OTUD7A: variants seen among roughly 807,000 people sequenced by gnomAD.
The protein encoded by OTUD7A is OTU domain-containing protein 7A.
Under a neutral mutation model 65.7 loss-of-function variants are expected in OTUD7A, and 12 were observed. The ratio of observed to expected loss-of-function variants is 0.18; its 90% CI spans 0.12 to 0.30. The LOEUF is 0.30. Ranked by LOEUF, OTUD7A falls within the 10% of genes least tolerant of loss-of-function variation. OTUD7A has a pLI of 1.00. For synonymous variants in OTUD7A, 641 were observed against 586.3 expected, an observed-to-expected ratio of 1.09 and a Z score of -1.35; for missense variants, 1,148 against 1,304.8, an observed-to-expected ratio of 0.88 and a Z score of 1.85.
chr15:31,703,704 G>T lies in OTUD7A; in HGVS notation c.-99-46627C>A, dbSNP rs933249451. Among the ~76,000 whole-genome samples, 19 of 151,526 alleles carry T rather than the reference G, an allele frequency of 1.3e-4. 2 individuals are homozygous for T. Among genetic ancestry groups the T allele is most frequent in the Admixed American group, 9.9e-4 (15 of 15,180 alleles). On this transcript the variant is annotated intron_variant, in intron 1 of 12. Transcript: ENST00000307050. ...AAACTACCATGCAACCCAGCAACTG[G>T]ATTCCTGAGCACTTATCCTAGAGAA... is the stretch of plus-strand genomic sequence containing the variant.
intron 5 of OTUD7A, among the ~76,000 whole-genome samples, chr15:31,535,708 G>T (rs537328090): frequency 8.3e-5 from 11 of 132,038 alleles, no homozygotes; most frequent in African/African-American, 2.9e-4. Context: ...ACAGAGTCTC[G>T]CTCTGTCACC....
chr15:31,573,931 A>G (rs2141176033), intron 3 of OTUD7A, among the ~76,000 whole-genome samples: 1 of 152,272 alleles, frequency 6.6e-6, no homozygotes, highest in Admixed American at 6.5e-5. Flanking sequence ...AAACAAAACT[A>G]CAGTTGACAG....
intron 1 of OTUD7A, among the ~76,000 whole-genome samples, chr15:31,663,449 G>A (rs1173999294): frequency 3.3e-4 from 9 of 27,432 alleles, no homozygotes; most frequent in Admixed American, 2.3e-3. Flanking sequence ...CCCACCCCCC[G>A]ACAGGCCCCA....
intron 8 of OTUD7A, among the ~76,000 whole-genome samples, chr15:31,508,697 G>A (rs527870590): frequency 5.4e-4 from 82 of 152,380 alleles, no homozygotes; most frequent in African/African-American, 1.7e-3. Context: ...AAATTTTAGG[G>A]TTGGTACCTG....
At chr15:31,763,473 A>G (rs891681985) in intron 1 of OTUD7A, among the ~76,000 whole-genome samples, 1 of 152,210 alleles carries the variant, frequency 6.6e-6, no homozygotes, top group African/African-American at 2.4e-5. Flanking sequence ...AGAGAAATCA[A>G]TAGAAATTAT....
intron 5 of OTUD7A, among the ~76,000 whole-genome samples, chr15:31,550,995 T>C (rs192121109): frequency 8.5e-5 from 13 of 152,272 alleles, no homozygotes; most frequent in Non-Finnish European, 1.8e-4. Flanking sequence ...CTGTTGAGAC[T>C]GTGCACACCT....
At chr15:31,847,009 G>T (rs1468608638) in intron 1 of OTUD7A, among the ~76,000 whole-genome samples, 7 of 152,164 alleles carry the variant, frequency 4.6e-5, no homozygotes, top group African/African-American at 1.7e-4. Flanking sequence ...TCCCTGCTAG[G>T]CAGGGCAGGG....
At chr15:31,555,732 C>T (rs1412209899) in intron 5 of OTUD7A, among the ~76,000 whole-genome samples, 3 of 152,080 alleles carry the variant, frequency 2.0e-5, no homozygotes, top group Non-Finnish European at 2.9e-5. Context: ...GAAAGGAGTT[C>T]GGAGGAGTCA....
rs1413990064 is a variant in OTUD7A, at chr15:31,487,155, C to T, written c.1371+39G>A. ...TCAGACTGGAGCTGAGCAGCCTGGA[C>T]CCTGCTGCCAGGTCTGGTCCCAGCA... is the stretch of plus-strand genomic sequence containing the variant. On this transcript the variant is annotated intron_variant, in intron 12 of 12. Coordinates refer to ENST00000307050, the MANE Select transcript of OTUD7A (RefSeq NM_001382637.1). This position sits in a 1 kb window ranked among gnomAD's most constrained non-coding sequence, Gnocchi z 6.0. 2 of 1,586,794 alleles carry T rather than the reference C, an allele frequency of 1.3e-6. No homozygotes were observed. The highest frequency in any genetic ancestry group is 1.7e-5 in the Admixed American group (1 of 59,658).
intron 3 of OTUD7A, among the ~76,000 whole-genome samples, chr15:31,628,524 G>C (rs1010034505): frequency 1.8e-4 from 28 of 151,966 alleles, no homozygotes; most frequent in Admixed American, 5.9e-4. Flanking sequence ...AGTCAGGTAG[G>C]GTGATGCCTC....
intron 1 of OTUD7A, among the ~76,000 whole-genome samples, chr15:31,678,038 C>A (rs1056977542): frequency 1.3e-5 from 2 of 152,170 alleles, no homozygotes; most frequent in African/African-American, 4.8e-5. Context: ...GGAACTGGAG[C>A]AAAGGTGACC....
Position 31,498,222 on chromosome 15 carries a change from C to T in OTUD7A, c.1171+3468G>A, listed in dbSNP as rs896679524. Among the ~76,000 whole-genome samples, 27 of 152,188 alleles carry T rather than the reference C, an allele frequency of 1.8e-4. No individual in the cohort carries two copies. The highest frequency in any genetic ancestry group is 5.8e-4 in the African/African-American group (24 of 41,462). On this transcript the variant is annotated intron_variant, in intron 10 of 12. Coordinates refer to ENST00000307050, the MANE Select transcript of OTUD7A (RefSeq NM_001382637.1). The surrounding 1 kb of genome is among the most constrained non-coding windows in gnomAD (Gnocchi z 4.2). Reference sequence around the variant, plus strand: ...TGTCCCCTCTCTGTGTAACTGGGCACCCCACATATGGGTGCCAGGATCTGA... The same window carrying T: ...TGTCCCCTCTCTGTGTAACTGGGCATCCCACATATGGGTGCCAGGATCTGA...
At chr15:31,527,836 G>T (rs547745623) in intron 6 of OTUD7A, among the ~76,000 whole-genome samples, 22 of 152,358 alleles carry the variant, frequency 1.4e-4, no homozygotes, top group Admixed American at 3.3e-4. Flanking sequence ...AGGAGAGAGC[G>T]CCTGCTTCCT....
At chr15:31,657,294 T>C (rs1479380411) in intron 1 of OTUD7A, among the ~76,000 whole-genome samples, 2 of 152,222 alleles carry the variant, frequency 1.3e-5, no homozygotes, top group African/African-American at 4.8e-5. Context: ...TTTCCTCGTT[T>C]TAGCAAGCAC....
intron 1 of OTUD7A, among the ~76,000 whole-genome samples, chr15:31,768,675 A>G (rs562651279): frequency 1.7e-4 from 26 of 152,028 alleles, no homozygotes; most frequent in South Asian, 4.2e-4. Context: ...AAAAAAAGTG[A>G]TAACACTGGT....
chr15:31,669,716 TC>T (rs1892430241), intron 1 of OTUD7A, among the ~76,000 whole-genome samples: 1 of 152,128 alleles, frequency 6.6e-6, no homozygotes, highest in Non-Finnish European at 1.5e-5. Flanking sequence ...GACTTCCTTC[TC>T]CCTGTGGTGT....
chr15:31,766,542 G>A (rs1200356256), intron 1 of OTUD7A: 8 of 1,613,002 alleles, frequency 5.0e-6, no homozygotes, highest in South Asian at 1.1e-5. Flanking sequence ...TTCCATAGCT[G>A]TTTGCACACT....
Position 31,483,507 on chromosome 15 carries a change from G to A in OTUD7A, c.2589C>T (p.Gly863=), listed in dbSNP as rs1264707832. ...HKSQTYTNGF[G]ALRDGLEFAD... Reference sequence around the variant, plus strand: ...CGAACTCCAGGCCGTCGCGCAGGGCGCCGAAGCCGTTGGTGTAGGTCTGCG... The same window carrying A: ...CGAACTCCAGGCCGTCGCGCAGGGCACCGAAGCCGTTGGTGTAGGTCTGCG... The change falls in exon 13 of 13, where the codon GGC becomes GGT. Residue 863 remains glycine, a synonymous_variant. Coordinates refer to ENST00000307050, the MANE Select transcript of OTUD7A (RefSeq NM_001382637.1). 14 of 1,395,436 alleles carry A rather than the reference G, an allele frequency of 1.0e-5. No individual in the cohort carries two copies. The highest frequency in any genetic ancestry group is 1.4e-5 in the South Asian group (1 of 72,374). The allele number at this position is 1,395,436 out of a possible 1,614,324, so 86.4% of individuals were successfully genotyped here. A position where few individuals can be genotyped will look rare whatever the true frequency, so the allele number is the denominator to read the frequency against.
At position 31,500,137 on chromosome 15, in the gene OTUD7A, G is replaced by A. The variant is rs146480598; in HGVS notation, c.1171+1553C>T. Among the ~76,000 whole-genome samples the A allele has an allele frequency of 5.1e-4, 77 of 152,322 alleles. 1 individual carries two copies. The Middle Eastern group carries it at 0.01, about 20-fold the overall frequency. On this transcript the variant is annotated intron_variant, in intron 10 of 12. Coordinates refer to ENST00000307050, the MANE Select transcript of OTUD7A (RefSeq NM_001382637.1). Reference sequence around the variant, plus strand: ...TGGACAGAGGGCCCCGCCCCTGGCCGATCCCAGGTCCTGAAAAGGCCCTTC... The same window carrying A: ...TGGACAGAGGGCCCCGCCCCTGGCCAATCCCAGGTCCTGAAAAGGCCCTTC...
Sources: allele counts gnomAD v4.1 joint callset (sites outside exome capture counted in the v4.1 genomes callset), GRCh38; gene constraint gnomAD v4.1.1; non-coding constraint Gnocchi (gnomAD v3.1); transcripts MANE v1.5; gene names NCBI Gene and HGNC (gene_info 2026-07-23, HGNC 2026-07-21).